VOPP1: variants seen among roughly 807,000 people sequenced by gnomAD.
VOPP1 encodes the protein VOPP1 WW domain binding protein, also known as WW domain binding protein VOPP1.
A neutral mutation model predicts 23.5 loss-of-function variants in VOPP1; 8 were observed. The observed-to-expected ratio is 0.34, with a 90% CI of 0.20 to 0.61. The LOEUF (loss-of-function observed/expected upper bound fraction) is 0.61. Among genes scored for constraint, VOPP1 ranks in the 20% least tolerant of loss-of-function variants. VOPP1 has a pLI of 0.78. For missense variants in VOPP1, 174 were observed against 238.1 expected (o/e 0.73, Z 1.77); for synonymous variants, 83 against 97.3 (o/e 0.85, Z 0.86).
chr7:55,534,410 C>T (rs1377080524), intron 1 of VOPP1, among the ~76,000 whole-genome samples: 1 of 152,204 alleles, frequency 6.6e-6, no homozygotes, highest in Non-Finnish European at 1.5e-5. Context: ...CCCTGAAGGG[C>T]AGCTGCGTGT....
chr7:55,484,955 G>A (rs963471416), intron 4 of VOPP1, among the ~76,000 whole-genome samples: 3 of 152,160 alleles, frequency 2.0e-5, no homozygotes, highest in Non-Finnish European at 2.9e-5. Flanking sequence ...ACAAGCCCAC[G>A]TCAGCCCACA....
At chr7:55,516,048 G>A (rs1317422057) in intron 2 of VOPP1, 2 of 985,042 alleles carry the variant, frequency 2.0e-6, no homozygotes, top group Admixed American at 6.1e-5. Context: ...AACTCGAGGA[G>A]AGAATGCAAG....
At chr7:55,517,387 C>T (rs781262420) in intron 2 of VOPP1, among the ~76,000 whole-genome samples, 2 of 152,108 alleles carry the variant, frequency 1.3e-5, no homozygotes, top group Admixed American at 6.5e-5. Flanking sequence ...ACTGACACGT[C>T]GTGGGCCCTC....
intron 4 of VOPP1, among the ~76,000 whole-genome samples, chr7:55,437,186 G>C (rs776123130): frequency 7.9e-5 from 12 of 152,090 alleles, no homozygotes; most frequent in Non-Finnish European, 1.5e-4. Context: ...CCCAGGATAA[G>C]AGAGGGTGAC....
downstream of VOPP1, among the ~76,000 whole-genome samples, chr7:55,467,679 T>G (rs562844561): frequency 6.6e-6 from 1 of 152,356 alleles, no homozygotes; most frequent in East Asian, 1.9e-4. Flanking sequence ...GTCATGACAT[T>G]TGCCTTGTAA....
intron 4 of VOPP1, among the ~76,000 whole-genome samples, chr7:55,479,845 T>C (rs1311501157): frequency 6.6e-6 from 1 of 152,224 alleles, no homozygotes; most frequent in Admixed American, 6.5e-5. Flanking sequence ...GAGGTCTTTA[T>C]TACATTAATA....
chr7:55,511,765 GTAC>G (rs763529094), intron 2 of VOPP1, among the ~76,000 whole-genome samples: 29 of 152,260 alleles, frequency 1.9e-4, no homozygotes, highest in Admixed American at 7.8e-4. Flanking sequence ...ATGAACCAAT[GTAC>G]TTCTTACATA....
At chr7:55,484,140 GTT>G (rs1032613092) in intron 4 of VOPP1, among the ~76,000 whole-genome samples, 1 of 152,158 alleles carries the variant, frequency 6.6e-6, no homozygotes, top group Non-Finnish European at 1.5e-5. Context: ...CCTCTGCCAT[GTT>G]TTGTTTTTGT....
chr7:55,443,933 A>G (rs1391902957), intron 4 of VOPP1, among the ~76,000 whole-genome samples: 1 of 152,142 alleles, frequency 6.6e-6, no homozygotes, highest in African/African-American at 2.4e-5. Context: ...ATGAGCCACC[A>G]TGCCTGGCCT....
chr7:55,483,341 C>G (rs1384445490), intron 4 of VOPP1, among the ~76,000 whole-genome samples: 1 of 152,100 alleles, frequency 6.6e-6, no homozygotes, highest in Admixed American at 6.6e-5. Context: ...CCAGCAGGTG[C>G]GAGGCAGTTG....
intron 4 of VOPP1, among the ~76,000 whole-genome samples, chr7:55,456,356 T>C (rs1237618064): frequency 1.3e-5 from 2 of 152,186 alleles, no homozygotes; most frequent in Non-Finnish European, 2.9e-5. Flanking sequence ...GGTGGAAGTG[T>C]AAATTAGTTC....
intron 4 of VOPP1, among the ~76,000 whole-genome samples, chr7:55,463,253 TC>T (rs1791550650): frequency 1.3e-5 from 2 of 152,224 alleles, no homozygotes; most frequent in South Asian, 4.1e-4. Context: ...TATTTAAAAT[TC>T]TTTTTTGGGC....
Position 55,516,816 on chromosome 7 carries a change from A to G in VOPP1, c.113+4256T>C, listed in dbSNP as rs554326050. ...CCTTGAGTCAACATATTTGTAAGGA[A>G]TATCTGTTTTGGAGAATCTTAGCAC... On this transcript the variant is annotated intron_variant, in intron 2 of 4. Coordinates refer to ENST00000285279, the MANE Select transcript of VOPP1 (RefSeq NM_030796.5). 2.5e-4 allele frequency among the ~76,000 whole-genome samples: 37 copies of G among 150,388 alleles called. 1 individual carries two copies. Among genetic ancestry groups the G allele is most frequent in the Admixed American group, 7.3e-4 (11 of 15,100 alleles).
intron 2 of VOPP1, among the ~76,000 whole-genome samples, chr7:55,511,442 A>G (rs570237665): frequency 6.6e-6 from 1 of 152,358 alleles, no homozygotes; most frequent in Admixed American, 6.5e-5. Flanking sequence ...GTCTGCTCAA[A>G]TATGTTCTTG....
intron 4 of VOPP1, among the ~76,000 whole-genome samples, chr7:55,487,858 TGCCA>T (rs1307163547): frequency 1.3e-5 from 2 of 152,178 alleles, no homozygotes; most frequent in East Asian, 1.9e-4. Flanking sequence ...GGCCACCTCC[TGCCA>T]GCCAGCCAGC....
At chr7:55,554,220 C>T (rs1009918037) in intron 1 of VOPP1, among the ~76,000 whole-genome samples, 5 of 152,208 alleles carry the variant, frequency 3.3e-5, no homozygotes, top group African/African-American at 9.6e-5. Context: ...GTGATGCCTG[C>T]TGCCTCCTTA....
At chr7:55,490,359 T>G (rs1793479330) in intron 4 of VOPP1, among the ~76,000 whole-genome samples, 1 of 152,000 alleles carries the variant, frequency 6.6e-6, no homozygotes, top group Non-Finnish European at 1.5e-5. Context: ...TGTGGGGCTG[T>G]GCAGAACAGA....
chr7:55,548,322 G>T (rs1210879404), intron 1 of VOPP1, among the ~76,000 whole-genome samples: 1 of 152,198 alleles, frequency 6.6e-6, no homozygotes, highest in Non-Finnish European at 1.5e-5. Context: ...TATGCTGCCT[G>T]TGTCTTCCCC....
intron 3 of VOPP1, among the ~76,000 whole-genome samples, chr7:55,495,650 T>A (rs973141519): frequency 6.6e-6 from 1 of 152,206 alleles, no homozygotes. Context: ...TTAGACATCA[T>A]CTTCTTCAGG....
Sources: allele counts gnomAD v4.1 joint callset (sites outside exome capture counted in the v4.1 genomes callset), GRCh38; gene constraint gnomAD v4.1.1; transcripts MANE v1.5; gene names NCBI Gene and HGNC (gene_info 2026-07-23, HGNC 2026-07-21).